DSCAM: variants seen among roughly 807,000 people sequenced by gnomAD.
DSCAM encodes DS cell adhesion molecule.
DSCAM carries 47 observed loss-of-function variants against 217.7 expected under a neutral mutation model. The observed-to-expected ratio is 0.22, with a 90% CI of 0.17 to 0.28. DSCAM has a LOEUF of 0.28. DSCAM is among the 10% of genes least tolerant of loss of function. DSCAM has a pLI of 1.00. For missense variants in DSCAM, 2,080 were observed against 2,618.3 expected, an observed-to-expected ratio of 0.79 and a Z score of 4.49; for synonymous variants, 1,056 against 1,015.3, an observed-to-expected ratio of 1.04 and a Z score of -0.76.
At chr21:40,174,129 C>T (rs2090692283) in intron 15 of DSCAM, among the ~76,000 whole-genome samples, 1 of 152,156 alleles carries the variant, frequency 6.6e-6, no homozygotes, top group African/African-American at 2.4e-5. Flanking sequence ...TTAACTCCGA[C>T]TGTGTCACTT....
intron 1 of DSCAM, among the ~76,000 whole-genome samples, chr21:40,716,133 C>T (rs1387792715): frequency 3.3e-5 from 5 of 152,176 alleles, no homozygotes; most frequent in South Asian, 4.1e-4. Flanking sequence ...AAGAATTTTA[C>T]ATTAGTCTTT....
chr21:40,764,637 A>G (rs1247394233), intron 1 of DSCAM, among the ~76,000 whole-genome samples: 3 of 152,228 alleles, frequency 2.0e-5, no homozygotes, highest in Non-Finnish European at 4.4e-5. Flanking sequence ...TCTACTATAA[A>G]GACACATGCA....
At chr21:40,240,362 T>TTTTTG in intron 11 of DSCAM, among the ~76,000 whole-genome samples, 1 of 148,710 alleles carries the variant, frequency 6.7e-6, no homozygotes, top group Non-Finnish European at 1.5e-5. Flanking sequence ...TTTTTTTTTT[T>TTTTTG]TTTTTTTTTT....
At chr21:40,344,493 T>A (rs1279488474) in intron 6 of DSCAM, among the ~76,000 whole-genome samples, 2 of 152,216 alleles carry the variant, frequency 1.3e-5, no homozygotes, top group Non-Finnish European at 2.9e-5. Context: ...TTTTCCTTAA[T>A]TTTTAAAGCC....
chr21:40,757,819 C>T (rs1405724398), intron 1 of DSCAM, among the ~76,000 whole-genome samples: 2 of 152,184 alleles, frequency 1.3e-5, no homozygotes, highest in Non-Finnish European at 2.9e-5. Context: ...TGAATCCTCC[C>T]TATGTGTGGA....
At chr21:40,534,616 T>C (rs1295191579) in intron 3 of DSCAM, among the ~76,000 whole-genome samples, 1 of 152,200 alleles carries the variant, frequency 6.6e-6, no homozygotes, top group Non-Finnish European at 1.5e-5. Flanking sequence ...GTGTTCATTT[T>C]TATGAACATA....
At chr21:40,532,552 C>G (rs1389253710) in intron 3 of DSCAM, among the ~76,000 whole-genome samples, 5 of 152,086 alleles carry the variant, frequency 3.3e-5, no homozygotes, top group Non-Finnish European at 7.3e-5. Context: ...TCATGCAGGT[C>G]ATGATTTATA....
At chr21:40,138,666 GATATGTGGT>G (rs1214329826) in intron 18 of DSCAM, among the ~76,000 whole-genome samples, 1 of 139,168 alleles carries the variant, frequency 7.2e-6, no homozygotes, top group Non-Finnish European at 1.5e-5. Flanking sequence ...TGTGTGGTGT[GATATGTGGT>G]GTATGTGTGG....
At position 40,305,851 on chromosome 21, in the gene DSCAM, A is replaced by T. The variant is rs867753453; in HGVS notation, c.2062+6230T>A. ...GCTGTTTTGGTTACTGTAGCCTTGT[A>T]GTATAGTTTGAAGTCAGGTAGCATG... On this transcript the variant is annotated intron_variant, in intron 9 of 32. Transcript: ENST00000400454. Among the ~76,000 whole-genome samples, 154 of 152,244 alleles carry T rather than the reference A, an allele frequency of 1.0e-3. 1 individual carries two copies. The highest frequency in any genetic ancestry group is 3.5e-3 in the African/African-American group (147 of 41,544).
At chr21:40,570,599 T>C (rs1036052673) in intron 3 of DSCAM, among the ~76,000 whole-genome samples, 2 of 152,208 alleles carry the variant, frequency 1.3e-5, no homozygotes, top group African/African-American at 4.8e-5. Context: ...GATTTATCAC[T>C]CAGGAACTTT....
chr21:40,659,961 G>C (rs181095737), intron 3 of DSCAM, among the ~76,000 whole-genome samples: 1 of 152,200 alleles, frequency 6.6e-6, no homozygotes, highest in Admixed American at 6.5e-5. Context: ...AAAGAGAATA[G>C]CAAATGGTGC....
Position 40,652,347 on chromosome 21 carries a change from C to A in DSCAM, c.508+40463G>T, listed in dbSNP as rs200307232. ...GGAAATTTGAAAACAACAACAACAA[C>A]AAAAAAAAAAAAAAACAACTTCTAG... On this transcript the variant is annotated intron_variant, in intron 3 of 32. Coordinates refer to ENST00000400454, the MANE Select transcript of DSCAM (RefSeq NM_001389.5). Among the ~76,000 whole-genome samples the A allele has an allele frequency of 3.2e-4, 46 of 142,576 alleles. 2 individuals carry two copies. Among genetic ancestry groups the A allele is most frequent in the South Asian group, 1.6e-3 (7 of 4,468 alleles). The allele number at this position is 142,576 out of a possible 152,430, so 93.5% of individuals were successfully genotyped here. A position where few individuals can be genotyped will look rare whatever the true frequency, so the allele number is the denominator to read the frequency against.
chr21:40,267,649 C>T (rs1408606213), intron 11 of DSCAM, among the ~76,000 whole-genome samples: 2 of 152,174 alleles, frequency 1.3e-5, no homozygotes, highest in African/African-American at 4.8e-5. Context: ...GTAATCCCAA[C>T]ATTTTGGGAG....
intron 20 of DSCAM, among the ~76,000 whole-genome samples, chr21:40,108,951 AG>A (rs1383935591): frequency 6.6e-6 from 1 of 152,244 alleles, no homozygotes; most frequent in Non-Finnish European, 1.5e-5. Context: ...AGCCATATGC[AG>A]AAGATTGAAG....
chr21:40,541,653 C>T (rs778478637), intron 3 of DSCAM, among the ~76,000 whole-genome samples: 1 of 151,820 alleles, frequency 6.6e-6, no homozygotes, highest in South Asian at 2.1e-4. Flanking sequence ...CATATAAGTG[C>T]GTAAGTATAT....
intron 3 of DSCAM, among the ~76,000 whole-genome samples, chr21:40,592,923 G>T (rs1455924838): frequency 6.6e-6 from 1 of 152,210 alleles, no homozygotes; most frequent in African/African-American, 2.4e-5. Context: ...TTGAGCTAAT[G>T]AATTGCAGAT....
At chr21:40,512,628 T>A (rs1386650932) in intron 3 of DSCAM, among the ~76,000 whole-genome samples, 4 of 152,192 alleles carry the variant, frequency 2.6e-5, no homozygotes, top group Non-Finnish European at 5.9e-5. Context: ...ATTTGATTAA[T>A]CAATGATAGA....
At chr21:40,180,730 G>A (rs183763933) in intron 14 of DSCAM, among the ~76,000 whole-genome samples, 2 of 152,282 alleles carry the variant, frequency 1.3e-5, no homozygotes, top group Admixed American at 1.3e-4. Context: ...TGAAACTGAC[G>A]GGGCCAATGA....
chr21:40,325,049 T>C (rs1034041689), intron 8 of DSCAM, among the ~76,000 whole-genome samples: 1 of 152,210 alleles, frequency 6.6e-6, no homozygotes, highest in African/African-American at 2.4e-5. Flanking sequence ...CAAGGATTGT[T>C]AGTAATAGAT....
Sources: gnomAD v4.1 joint callset for allele counts (sites outside exome capture counted in the v4.1 genomes callset) on GRCh38, gnomAD v4.1.1 for gene constraint, MANE v1.5 for transcripts, NCBI Gene and HGNC (gene_info 2026-07-23, HGNC 2026-07-21) for gene names.